The following FBLN1 variants were observed in gnomAD, a reference collection of about 807,000 sequenced individuals.
FBLN1 encodes the protein fibulin 1, also known as fibulin-1.
FBLN1 carries 34 observed loss-of-function variants against 89.7 expected under a neutral mutation model. The observed-to-expected ratio is 0.38, with a 90% confidence interval of 0.29 to 0.50. The LOEUF is 0.50. Ranked by LOEUF, FBLN1 falls within the 20% of genes least tolerant of loss-of-function variation. The pLI is 0.92. For missense variants in FBLN1, 777 were observed against 988.1 expected, an observed-to-expected ratio of 0.79 and a Z score of 2.86; for synonymous variants, 393 against 391.3, an observed-to-expected ratio of 1.00 and a Z score of -0.05.
chr22:45,546,512 C>T (rs1167098540), intron 11 of FBLN1, among the ~76,000 whole-genome samples: 1 of 152,250 alleles, frequency 6.6e-6, no homozygotes, highest in East Asian at 1.9e-4. Context: ...CCATGCCTTG[C>T]CGGGCTGTGT....
chr22:45,548,967 T>C (rs990181916), intron 13 of FBLN1, among the ~76,000 whole-genome samples: 1 of 152,204 alleles, frequency 6.6e-6, no homozygotes, highest in Admixed American at 6.5e-5. Flanking sequence ...TCCTCTGGAT[T>C]GTCTGAGCCT....
Position 45,532,743 on chromosome 22 carries a change from C to G in FBLN1, c.545-320C>G, listed in dbSNP as rs2088425270. The G allele has an allele frequency of 2.2e-6, 1 of 448,110 alleles. No homozygotes were observed. Among genetic ancestry groups the G allele is most frequent in the Non-Finnish European group, 4.2e-6 (1 of 240,852 alleles). The allele number at this position is 448,110 out of a possible 1,614,324, so 27.8% of individuals were successfully genotyped here. A position where few individuals can be genotyped will look rare whatever the true frequency, so the allele number is the denominator to read the frequency against. On this transcript the variant is annotated intron_variant, in intron 5 of 16. Coordinates refer to ENST00000327858, the MANE Select transcript of FBLN1 (RefSeq NM_006486.3). The surrounding 1 kb of genome is among the most constrained non-coding windows in gnomAD (Gnocchi z 4.2). The stretch of plus-strand genomic sequence containing the variant: ...CCTGGCCTTCCACGTGGAGCCCACA[C>G]CCCCATGTCTGTGACCGGCAGTGAG...
rs1555957966 is a variant in FBLN1 at position 45,555,287 on chromosome 22, A to ATATG, written c.1697+4675_1697+4676insGTAT. Among the ~76,000 whole-genome samples, 833 of 136,724 alleles carry ATATG rather than the reference A, an allele frequency of 6.1e-3. 12 individuals carry two copies. The highest frequency in any genetic ancestry group is 0.02 in the African/African-American group (773 of 38,404). The allele number at this position is 136,724 out of a possible 152,430, so 89.7% of individuals were successfully genotyped here. The stretch of plus-strand genomic sequence containing the variant: ...TATAAAATGGAATATATATATATAT[A>ATATG]TATAAAATGGAATATATATATGGAA... On this transcript the variant is annotated intron_variant, in intron 14 of 16. Coordinates refer to ENST00000327858, the MANE Select transcript of FBLN1 (RefSeq NM_006486.3).
At chr22:45,514,042 CG>C (rs1260523143) in intron 1 of FBLN1, among the ~76,000 whole-genome samples, 1 of 151,942 alleles carries the variant, frequency 6.6e-6, no homozygotes, top group Middle Eastern at 3.2e-3. Flanking sequence ...CCGCCCACCT[CG>C]ACCTGCTGGG....
intron 1 of FBLN1, among the ~76,000 whole-genome samples, chr22:45,515,244 C>T (rs1186829462): frequency 6.6e-6 from 1 of 152,144 alleles, no homozygotes; most frequent in Non-Finnish European, 1.5e-5. Context: ...GCCATCCAGC[C>T]TGGCCATGGT....
intron 14 of FBLN1, among the ~76,000 whole-genome samples, chr22:45,564,634 G>T (rs1025790631): frequency 9.9e-5 from 15 of 152,212 alleles, no homozygotes; most frequent in Admixed American, 3.9e-4. Flanking sequence ...TTTCCTTCAT[G>T]GTGCTTGTAA....
intron 1 of FBLN1, among the ~76,000 whole-genome samples, chr22:45,508,004 T>C (rs1460061170): frequency 6.6e-6 from 1 of 152,160 alleles, no homozygotes; most frequent in Non-Finnish European, 1.5e-5. Context: ...ATCCAACACC[T>C]GTGCACCCAG....
chr22:45,571,358 C>T (rs1219370224), intron 14 of FBLN1, among the ~76,000 whole-genome samples: 2 of 152,098 alleles, frequency 1.3e-5, no homozygotes, highest in Non-Finnish European at 2.9e-5. Flanking sequence ...CTATTATGAC[C>T]ATGCAAGCAT....
rs770754324 is a variant in FBLN1, at chr22:45,547,105, AG to A, written c.1343del (p.Ser448ThrfsTer83). Reference sequence around the variant, plus strand: ...TTCAGACATCAATGAGTGCAGCAGCAGCCCCTGTAGCCAGGAGTGTGCCAAC... The same window carrying A: ...TTCAGACATCAATGAGTGCAGCAGCACCCCTGTAGCCAGGAGTGTGCCAAC... Reference protein sequence around the residue: ...SCEDINECSSSPCSQECANVY... With the variant: ...SCEDINECSSXPCSQECANVY... On this transcript the variant is annotated frameshift_variant, in exon 12 of 17. Coordinates refer to ENST00000327858, the MANE Select transcript of FBLN1 (RefSeq NM_006486.3). LOFTEE classifies it high-confidence loss of function. 1 of 1,614,150 alleles carries A rather than the reference AG, an allele frequency of 6.2e-7. No homozygotes were observed. Among genetic ancestry groups the A allele is most frequent in the Admixed American group, 1.7e-5 (1 of 60,030 alleles).
intron 1 of FBLN1, among the ~76,000 whole-genome samples, chr22:45,504,024 G>A (rs1017954830): frequency 2.2e-4 from 34 of 152,178 alleles, no homozygotes; most frequent in Non-Finnish European, 3.7e-4. Flanking sequence ...AGCCAGGCCC[G>A]GCACTCCTGG....
intron 1 of FBLN1, among the ~76,000 whole-genome samples, chr22:45,504,250 T>C (rs1294783694): frequency 2.0e-5 from 3 of 152,172 alleles, no homozygotes; most frequent in Non-Finnish European, 4.4e-5. Context: ...AGCTGAGCTC[T>C]ACAGAGCTTT....
At chr22:45,565,218 T>C in intron 14 of FBLN1, 1 of 1,483,610 alleles carries the variant, frequency 6.7e-7, no homozygotes, top group South Asian at 1.2e-5. Context: ...GTTACGATGG[T>C]CTGAGCTTCC....
Position 45,515,119 on chromosome 22 carries a change from A to C in FBLN1, c.80-3563A>C, listed in dbSNP as rs1250383281. ...GTTGAGGAGTGAGAGCCGGTGAATG[A>C]GAGGGGCCTTGTCTGTAGGCCTTTG... On this transcript the variant is annotated intron_variant, in intron 1 of 16. Coordinates refer to ENST00000327858, the MANE Select transcript of FBLN1 (RefSeq NM_006486.3). Among the ~76,000 whole-genome samples, 2 of 152,186 alleles carry C rather than the reference A, an allele frequency of 1.3e-5. 1 individual carries two copies.
rs997033436 is a variant in FBLN1 at position 45,537,804 on chromosome 22, AGGGGTGGTTTTCGCTCAGCGCAG to A, written c.922+2476_922+2498del. On this transcript the variant is annotated intron_variant, in intron 8 of 16. Coordinates refer to ENST00000327858, the MANE Select transcript of FBLN1 (RefSeq NM_006486.3). This position sits in a 1 kb window ranked among gnomAD's most constrained non-coding sequence, Gnocchi z 5.7. ...CCTCGCCAGTCCCTTGCCAGCAGGG[AGGGGTGGTTTTCGCTCAGCGCAG>A]GGGGTGGTGAGCAGGGAAGCCATGG... Among the ~76,000 whole-genome samples, 1 of 151,952 alleles carries A rather than the reference AGGGGTGGTTTTCGCTCAGCGCAG, an allele frequency of 6.6e-6. No individual in the cohort carries two copies. Among genetic ancestry groups the A allele is most frequent in the African/African-American group, 2.4e-5 (1 of 41,362 alleles).
intron 2 of FBLN1, among the ~76,000 whole-genome samples, chr22:45,519,805 T>G (rs1277311976): frequency 6.6e-6 from 1 of 152,066 alleles, no homozygotes; most frequent in African/African-American, 2.4e-5. Context: ...ACCAACCTGG[T>G]TGGGTTTCAG....
chr22:45,578,377 T>G lies in FBLN1; in HGVS notation c.1972+1269T>G, dbSNP rs901751740. On this transcript the variant is annotated intron_variant, in intron 16 of 16. Transcript: ENST00000327858. This position sits in a 1 kb window ranked among gnomAD's most constrained non-coding sequence, Gnocchi z 4.6. Reference sequence around the variant, plus strand: ...CACTGGGGGGCTCCCCACCCCAGCCTCCTCCTGCGCTAGCTGGCAGCAGGA... The same window carrying G: ...CACTGGGGGGCTCCCCACCCCAGCCGCCTCCTGCGCTAGCTGGCAGCAGGA... 6.6e-6 allele frequency: 1 copy of G among 152,230 alleles called. No individual in the cohort carries two copies. Among genetic ancestry groups the G allele is most frequent in the African/African-American group, 2.4e-5 (1 of 41,464 alleles). 9.4% of individuals were successfully genotyped at this position (152,230 alleles called of 1,614,324 possible). A position where few individuals can be genotyped will look rare whatever the true frequency, so the allele number is the denominator to read the frequency against.
chr22:45,568,064 C>G (rs2088913924), intron 14 of FBLN1, among the ~76,000 whole-genome samples: 1 of 152,112 alleles, frequency 6.6e-6, no homozygotes, highest in East Asian at 1.9e-4. Flanking sequence ...GGAAATGGAA[C>G]AGAAATTGTG....
At chr22:45,596,504 G>T (rs1002798619) in intron 16 of FBLN1, among the ~76,000 whole-genome samples, 1 of 151,924 alleles carries the variant, frequency 6.6e-6, no homozygotes, top group Non-Finnish European at 1.5e-5. Context: ...CATGCACCAG[G>T]AGTGTGTATT....
At chr22:45,591,557 G>C (rs73447063) in intron 16 of FBLN1, among the ~76,000 whole-genome samples, 5 of 152,096 alleles carry the variant, frequency 3.3e-5, no homozygotes, top group Admixed American at 6.5e-5. Context: ...GTTTTGCTGA[G>C]ACATGTTGAC....
Sources: allele counts gnomAD v4.1 joint callset (sites outside exome capture counted in the v4.1 genomes callset), GRCh38; gene constraint gnomAD v4.1.1; non-coding constraint Gnocchi (gnomAD v3.1); transcripts MANE v1.5; gene names NCBI Gene and HGNC (gene_info 2026-07-23, HGNC 2026-07-21).